The following NXPH1 variants were observed in gnomAD, a reference collection of about 807,000 sequenced individuals.
NXPH1 encodes the protein neurexophilin-1.
Under a neutral mutation model 23.7 loss-of-function variants are expected in NXPH1, and 5 were observed. The ratio of observed to expected loss-of-function variants is 0.21; its 90% confidence interval spans 0.11 to 0.44. NXPH1 has a LOEUF of 0.44. Among genes scored for constraint, NXPH1 ranks in the 20% least tolerant of loss-of-function variants. The probability of loss-of-function intolerance (pLI) is 0.99; values close to 1 mark genes in which losing one functional copy is unlikely to be tolerated. For missense variants in NXPH1, 324 were observed against 321.6 expected (o/e 1.01, Z -0.06); for synonymous variants, 144 against 122.2 (o/e 1.18, Z -1.18).
chr7:8,502,982 G>T (rs962164459), intron 2 of NXPH1, among the ~76,000 whole-genome samples: 13 of 152,010 alleles, frequency 8.6e-5, no homozygotes, highest in African/African-American at 3.1e-4. Flanking sequence ...ATCCTGGAAA[G>T]ACCACATATT....
intron 2 of NXPH1, among the ~76,000 whole-genome samples, chr7:8,520,556 C>G (rs141827714): frequency 1.5e-3 from 225 of 152,230 alleles, no homozygotes; most frequent in African/African-American, 4.9e-3. Context: ...CCATTTCCCC[C>G]CAAAGCTGTC....
intron 2 of NXPH1, among the ~76,000 whole-genome samples, chr7:8,666,985 C>G (rs957171589): frequency 1.3e-5 from 2 of 151,934 alleles, no homozygotes; most frequent in African/African-American, 4.8e-5. Context: ...GGTTTTTGCT[C>G]TGTAACTAAC....
chr7:8,731,503 G>A (rs904592096), intron 2 of NXPH1, among the ~76,000 whole-genome samples: 26 of 152,106 alleles, frequency 1.7e-4, no homozygotes, highest in African/African-American at 6.0e-4. Flanking sequence ...TGATGGTGAC[G>A]TACAGATGGG....
chr7:8,664,616 A>T (rs917960047), intron 2 of NXPH1, among the ~76,000 whole-genome samples: 1 of 152,142 alleles, frequency 6.6e-6, no homozygotes, highest in Non-Finnish European at 1.5e-5. Context: ...ACTGTTTTCC[A>T]TAATGCCTGT....
At chr7:8,538,229 C>T (rs762516616) in intron 2 of NXPH1, among the ~76,000 whole-genome samples, 1 of 151,864 alleles carries the variant, frequency 6.6e-6, no homozygotes, top group Non-Finnish European at 1.5e-5. Context: ...CCCCAAATAT[C>T]TGGCTGGTGA....
intron 2 of NXPH1, among the ~76,000 whole-genome samples, chr7:8,554,136 G>A (rs965081785): frequency 6.6e-6 from 1 of 151,400 alleles, no homozygotes; most frequent in Admixed American, 6.6e-5. Flanking sequence ...CAAGATGTGG[G>A]ACTCAGGGAG....
chr7:8,446,574 G>C (rs935817572), intron 2 of NXPH1, among the ~76,000 whole-genome samples: 1 of 152,134 alleles, frequency 6.6e-6, no homozygotes. Context: ...ATAAAAATGA[G>C]GCTTTTTGAA....
intron 2 of NXPH1, among the ~76,000 whole-genome samples, chr7:8,678,710 G>C (rs1223119596): frequency 6.6e-6 from 1 of 151,704 alleles, no homozygotes; most frequent in African/African-American, 2.4e-5. Context: ...GTTGCTGCTC[G>C]TGTCATTTAG....
chr7:8,706,231 G>A (rs1211447032), intron 2 of NXPH1, among the ~76,000 whole-genome samples: 1 of 152,154 alleles, frequency 6.6e-6, no homozygotes, highest in African/African-American at 2.4e-5. Flanking sequence ...GGATCATCAA[G>A]TAACCGTGCA....
intron 2 of NXPH1, among the ~76,000 whole-genome samples, chr7:8,727,883 T>C (rs1235624921): frequency 6.6e-6 from 1 of 151,960 alleles, no homozygotes; most frequent in Non-Finnish European, 1.5e-5. Flanking sequence ...AGAAAGTCAT[T>C]GGTGGCTTGA....
chr7:8,710,571 A>G (rs981605531), intron 2 of NXPH1, among the ~76,000 whole-genome samples: 22 of 151,962 alleles, frequency 1.4e-4, no homozygotes, highest in Non-Finnish European at 2.8e-4. Context: ...GGCCAAAATC[A>G]ACTGCCAAAC....
chr7:8,550,221 C>T (rs1234220776), intron 2 of NXPH1, among the ~76,000 whole-genome samples: 1 of 151,496 alleles, frequency 6.6e-6, no homozygotes, highest in Non-Finnish European at 1.5e-5. Context: ...CCATCAGTGG[C>T]TGTAGGGGAT....
intron 2 of NXPH1, among the ~76,000 whole-genome samples, chr7:8,595,106 T>A (rs991791853): frequency 6.6e-6 from 1 of 152,056 alleles, no homozygotes; most frequent in African/African-American, 2.4e-5. Context: ...ATCATCATAA[T>A]GTTCTTTGGA....
In NXPH1 at chr7:8,435,649, T is replaced by C. The variant is rs1816180198; in HGVS notation, c.-65T>C. ...CTCTGTAAAGTGGATGTCAGGTGGA[T>C]CTATGTTTCTGAAGGAACAAAGACT... On this transcript the variant is annotated 5_prime_UTR_variant, in exon 2 of 3. Coordinates refer to ENST00000405863, the MANE Select transcript of NXPH1 (RefSeq NM_152745.3). The surrounding 1 kb of genome is among the most constrained non-coding windows in gnomAD (Gnocchi z 5.9). 1 of 1,447,524 alleles carries C rather than the reference T, an allele frequency of 6.9e-7. No individual in the cohort carries two copies. Among genetic ancestry groups the C allele is most frequent in the Middle Eastern group, 1.7e-4 (1 of 5,720 alleles). The allele number at this position is 1,447,524 out of a possible 1,614,324, so 89.7% of individuals were successfully genotyped here.
intron 2 of NXPH1, among the ~76,000 whole-genome samples, chr7:8,597,902 T>C (rs1440999656): frequency 6.6e-6 from 1 of 152,052 alleles, no homozygotes; most frequent in African/African-American, 2.4e-5. Context: ...AATCAGTCAA[T>C]TCCTGGATCA....
chr7:8,479,549 A>C (rs6951544), intron 2 of NXPH1, among the ~76,000 whole-genome samples: 90,384 of 152,010 alleles, frequency 0.59, 29,482 homozygotes, highest in African/African-American at 0.87. Context: ...GGCTTAGGAA[A>C]AGTGAGCAAC....
chr7:8,516,372 AG>A (rs1817688149), intron 2 of NXPH1, among the ~76,000 whole-genome samples: 1 of 152,184 alleles, frequency 6.6e-6, no homozygotes, highest in African/African-American at 2.4e-5. Flanking sequence ...ATAAGAAACC[AG>A]TTACTCAGAA....
At chr7:8,540,391 G>A (rs1818095583) in intron 2 of NXPH1, among the ~76,000 whole-genome samples, 1 of 151,768 alleles carries the variant, frequency 6.6e-6, no homozygotes, top group Non-Finnish European at 1.5e-5. Context: ...AAAGATGTTG[G>A]ACATCAGACA....
intron 2 of NXPH1, among the ~76,000 whole-genome samples, chr7:8,544,781 T>A (rs189161181): frequency 2.0e-5 from 3 of 151,784 alleles, no homozygotes; most frequent in Admixed American, 2.0e-4. Context: ...ATATCTATTC[T>A]AGACATGAAG....
Sources: allele counts gnomAD v4.1 joint callset (sites outside exome capture counted in the v4.1 genomes callset), GRCh38; gene constraint gnomAD v4.1.1; non-coding constraint Gnocchi (gnomAD v3.1); transcripts MANE v1.5; gene names NCBI Gene and HGNC (gene_info 2026-07-23, HGNC 2026-07-21).